Variants in MRPS27 observed in about 807,000 individuals in gnomAD.
The protein encoded by MRPS27 is mitochondrial ribosomal protein S27.
MRPS27 carries 43 observed loss-of-function variants against 48.9 expected under a neutral mutation model. The observed-to-expected ratio is 0.88, with a 90% CI of 0.69 to 1.13. The LOEUF (loss-of-function observed/expected upper bound fraction) is 1.13. Among genes scored for constraint, MRPS27 ranks in the 50% most tolerant of loss-of-function variants. The probability of loss-of-function intolerance (pLI) is 0.00; values close to 1 mark genes in which losing one functional copy is unlikely to be tolerated. For synonymous variants in MRPS27, 188 were observed against 171.9 expected, an observed-to-expected ratio of 1.09 and a Z score of -0.73; for missense variants, 467 against 476.3, an observed-to-expected ratio of 0.98 and a Z score of 0.18.
intron 4 of MRPS27, among the ~76,000 whole-genome samples, chr5:72,272,021 TAAAC>T (rs549069349): frequency 0.013 from 1,905 of 151,648 alleles, 10 homozygotes; most frequent in African/African-American, 0.015. Context: ...TTTTCCCCTC[TAAAC>T]AAACAAACAA....
intron 2 of MRPS27, among the ~76,000 whole-genome samples, chr5:72,308,560 G>A (rs1750347255): frequency 2.0e-5 from 3 of 152,218 alleles, no homozygotes; most frequent in African/African-American, 2.4e-5. Flanking sequence ...CCACCCGCGG[G>A]GCGGCGGATT....
intron 1 of MRPS27, among the ~76,000 whole-genome samples, chr5:72,318,853 G>A (rs1750645839): frequency 6.6e-6 from 1 of 150,824 alleles, no homozygotes; most frequent in African/African-American, 2.4e-5. Context: ...AATGCCCTCT[G>A]TGTGTAGTTG....
At chr5:72,289,984 T>C (rs975087319) in intron 4 of MRPS27, among the ~76,000 whole-genome samples, 9 of 152,172 alleles carry the variant, frequency 5.9e-5, no homozygotes, top group African/African-American at 2.2e-4. Context: ...AAGAGGAAAT[T>C]TTTATGGCTT....
chr5:72,308,769 C>T (rs1352439188), intron 2 of MRPS27, among the ~76,000 whole-genome samples: 1 of 152,200 alleles, frequency 6.6e-6, no homozygotes, highest in Non-Finnish European at 1.5e-5. Context: ...AATTACCTTC[C>T]AGTACACAGT....
intron 1 of MRPS27, chr5:72,314,593 T>G (rs908882621): frequency 6.0e-6 from 1 of 167,346 alleles, no homozygotes; most frequent in Non-Finnish European, 1.3e-5. Context: ...GGACACTTGA[T>G]CGGTATTGTG....
chr5:72,308,274 G>T (rs1012518426), intron 2 of MRPS27, among the ~76,000 whole-genome samples: 3 of 152,314 alleles, frequency 2.0e-5, no homozygotes, highest in African/African-American at 7.2e-5. Context: ...CCTCTCTCTC[G>T]CCGTACTCCC....
At chr5:72,297,849 A>C (rs1349021564) in intron 2 of MRPS27, 147 bp from the exon 3 acceptor site, 2 of 429,632 alleles carry the variant, frequency 4.7e-6, no homozygotes, top group Non-Finnish European at 8.1e-6. Context: ...AAGAGGAAAA[A>C]AGAATATTCT....
chr5:72,319,912 T>C (rs1750702457), intron 1 of MRPS27: 1 of 532,252 alleles, frequency 1.9e-6, no homozygotes, highest in Non-Finnish European at 3.4e-6. Context: ...CATACGCAAA[T>C]TCCCTCATGC....
chr5:72,303,776 T>C (rs1253443411), intron 2 of MRPS27, among the ~76,000 whole-genome samples: 2 of 150,096 alleles, frequency 1.3e-5, no homozygotes, highest in Non-Finnish European at 3.0e-5. Flanking sequence ...AATATGGGTA[T>C]GCTGGCATGT....
At chr5:72,221,209 G>C in intron 10 of MRPS27, 61 bp from the exon 11 acceptor site, 1 of 1,573,050 alleles carries the variant, frequency 6.4e-7, no homozygotes, top group Non-Finnish European at 8.6e-7. Context: ...AAGATACAAA[G>C]AGGAAAAACT....
intron 4 of MRPS27, among the ~76,000 whole-genome samples, chr5:72,242,557 GCA>G (rs1251566179): frequency 6.6e-6 from 1 of 151,160 alleles, no homozygotes; most frequent in Non-Finnish European, 1.5e-5. Context: ...AGTGGCCTAG[GCA>G]CAGTAGCTCA....
At chr5:72,308,586 C>A (rs751240869) in intron 2 of MRPS27, among the ~76,000 whole-genome samples, 17 of 152,236 alleles carry the variant, frequency 1.1e-4, no homozygotes, top group Non-Finnish European at 2.2e-4. Context: ...AGGGGCCACA[C>A]TGCCACCTAC....
At chr5:72,276,557 T>C (rs960625959) in intron 4 of MRPS27, among the ~76,000 whole-genome samples, 1 of 151,408 alleles carries the variant, frequency 6.6e-6, no homozygotes, top group African/African-American at 2.4e-5. Context: ...AAACAGAAAA[T>C]GACAAATGGG....
chr5:72,226,085 G>A lies in MRPS27; in HGVS notation c.809C>T (p.Pro270Leu). The A allele has an allele frequency of 2.5e-6, 4 of 1,613,744 alleles. No homozygotes were observed. The highest frequency in any genetic ancestry group is 3.4e-6 in the Non-Finnish European group (4 of 1,179,802). The change falls in exon 9 of 11, where the codon CCA becomes CTA. Residue 270 changes from proline (P) to leucine (L), a missense_variant. Coordinates refer to ENST00000261413, the MANE Select transcript of MRPS27 (RefSeq NM_015084.3). ...LQVMEKVAAS[P>L]EDIKLCREAL... The stretch of plus-strand genomic sequence containing the variant: ...TTCTCTACACAGCTTTATGTCTTCT[G>A]GGGAGGCAGCCACTTTCTCCATCAC...
intron 4 of MRPS27, among the ~76,000 whole-genome samples, chr5:72,258,926 G>A (rs1748888943): frequency 6.6e-6 from 1 of 152,130 alleles, no homozygotes; most frequent in African/African-American, 2.4e-5. Flanking sequence ...AAATCCATAT[G>A]TACTATGGCC....
At chr5:72,274,171 C>T (rs1426372135) in intron 4 of MRPS27, among the ~76,000 whole-genome samples, 1 of 151,992 alleles carries the variant, frequency 6.6e-6, no homozygotes, top group Non-Finnish European at 1.5e-5. Flanking sequence ...CTGGTCAATA[C>T]GGTGAAACCC....
intron 2 of MRPS27, among the ~76,000 whole-genome samples, chr5:72,299,488 T>C (rs2112069184): frequency 6.6e-6 from 1 of 152,350 alleles, no homozygotes; most frequent in African/African-American, 2.4e-5. Flanking sequence ...TTTATTCCTT[T>C]TGTATTTTGA....
chr5:72,237,939 C>T, intron 5 of MRPS27, 75 bp downstream of exon 5: 2 of 994,958 alleles, frequency 2.0e-6, no homozygotes, highest in Non-Finnish European at 3.2e-6. Flanking sequence ...TTATTCTTTG[C>T]TGTACTACAA....
chr5:72,241,507 C>T (rs1343366830), intron 4 of MRPS27: 5 of 754,492 alleles, frequency 6.6e-6, no homozygotes, highest in Admixed American at 4.6e-5. Context: ...ACTGGGCCAG[C>T]GGGGTTCAAT....
Sources: allele counts gnomAD v4.1 joint callset (sites outside exome capture counted in the v4.1 genomes callset), GRCh38; gene constraint gnomAD v4.1.1; transcripts MANE v1.5; gene names NCBI Gene and HGNC (gene_info 2026-07-23, HGNC 2026-07-21).